Variants in SLC12A1 observed in about 807,000 individuals in gnomAD.
The protein encoded by SLC12A1 is solute carrier family 12 member 1, also known as Na-K-2Cl cotransporter.
Under a neutral mutation model 130.4 loss-of-function variants are expected in SLC12A1, and 89 were observed. That is an observed-to-expected ratio of 0.68 (90% CI 0.58 to 0.81). The LOEUF (loss-of-function observed/expected upper bound fraction) is 0.81. SLC12A1 is among the 40% of genes least tolerant of loss of function. The probability of loss-of-function intolerance (pLI) is 0.00; values close to 1 mark genes in which losing one functional copy is unlikely to be tolerated. For synonymous variants in SLC12A1, 499 were observed against 460.0 expected (o/e 1.08, Z -1.09); for missense variants, 1,310 against 1,336.4 (o/e 0.98, Z 0.31).
intron 2 of SLC12A1, among the ~76,000 whole-genome samples, chr15:48,218,772 C>A (rs147682667): frequency 4.1e-4 from 63 of 152,272 alleles, no homozygotes; most frequent in African/African-American, 1.5e-3. Flanking sequence ...GTTTCAAAAT[C>A]TTTCCTAGAA....
intron 7 of SLC12A1, among the ~76,000 whole-genome samples, chr15:48,231,638 T>C (rs1425938439): frequency 6.6e-6 from 1 of 152,240 alleles, no homozygotes; most frequent in Non-Finnish European, 1.5e-5. Context: ...TGTCAGTTTG[T>C]TGGTGGTATT....
chr15:48,288,874 G>C (rs1003585797), intron 23 of SLC12A1, among the ~76,000 whole-genome samples: 3 of 152,146 alleles, frequency 2.0e-5, no homozygotes, highest in African/African-American at 7.2e-5. Flanking sequence ...GGGTCCAGTT[G>C]CTTTTTCTGT....
intron 17 of SLC12A1, among the ~76,000 whole-genome samples, chr15:48,264,945 T>G (rs1422536459): frequency 1.3e-5 from 2 of 152,182 alleles, no homozygotes; most frequent in Non-Finnish European, 2.9e-5. Flanking sequence ...TTTTTAAAGC[T>G]TCTTTGTTTG....
chr15:48,281,106 C>T (rs1185402413), intron 20 of SLC12A1, among the ~76,000 whole-genome samples: 2 of 152,152 alleles, frequency 1.3e-5, no homozygotes. Context: ...ATAGACAGAC[C>T]TGGGTTTGGA....
In SLC12A1 at chr15:48,213,818, C is replaced by T. The variant is rs942053631; in HGVS notation, c.420+5679C>T. On this transcript the variant is annotated intron_variant, in intron 2 of 26. Transcript: ENST00000380993. ...GACTACAGGTGTGAGCCACCACACC[C>T]AGCCTCCTCTAGAATTTTATAAGTC... Among the ~76,000 whole-genome samples the T allele has an allele frequency of 2.0e-5, 3 of 152,104 alleles. No individual in the cohort carries two copies. In the East Asian group the frequency reaches 5.8e-4, roughly 29 times the overall value.
At chr15:48,208,412 A>G (rs1000482499) in intron 2 of SLC12A1, among the ~76,000 whole-genome samples, 1 of 152,058 alleles carries the variant, frequency 6.6e-6, no homozygotes, top group African/African-American at 2.4e-5. Context: ...TCCTGGGCTC[A>G]AACAATCCTC....
At chr15:48,245,575 C>T (rs1450350308) in intron 11 of SLC12A1, among the ~76,000 whole-genome samples, 1 of 152,178 alleles carries the variant, frequency 6.6e-6, no homozygotes, top group African/African-American at 2.4e-5. Context: ...CTAGCTGCAT[C>T]CACGTTGCTG....
At position 48,288,517 on chromosome 15, in the gene SLC12A1, G is replaced by C. The variant is rs201930377; in HGVS notation, c.2873+1G>C. ...ACCGCATTGAAGAAGAAAAAATTGT[G>C]TAAGTAGTTTGCCACTCACATGTTA... On this transcript the variant is annotated splice_donor_variant, in intron 23 of 26. Coordinates refer to ENST00000380993, the MANE Select transcript of SLC12A1 (RefSeq NM_000338.3). LOFTEE classifies it high-confidence loss of function. The C allele has an allele frequency of 7.3e-7, 1 of 1,369,740 alleles. No homozygotes were observed. 84.8% of individuals were successfully genotyped at this position (1,369,740 alleles called of 1,614,324 possible). A position where few individuals can be genotyped will look rare whatever the true frequency, so the allele number is the denominator to read the frequency against.
chr15:48,282,399 G>A (rs932426184), intron 20 of SLC12A1, among the ~76,000 whole-genome samples: 1 of 152,096 alleles, frequency 6.6e-6, no homozygotes, highest in African/African-American at 2.4e-5. Flanking sequence ...CATTACAAAA[G>A]AGGATTTATC....
chr15:48,240,069 ATCCAT>A (rs2041493644), intron 9 of SLC12A1, among the ~76,000 whole-genome samples: 2 of 86,524 alleles, frequency 2.3e-5, no homozygotes, highest in African/African-American at 1.3e-4. Context: ...ATATATATAT[ATCCAT>A]ATATATATAT....
chr15:48,296,543 C>T (rs1597462110), intron 24 of SLC12A1, among the ~76,000 whole-genome samples: 1 of 152,054 alleles, frequency 6.6e-6, no homozygotes, highest in Non-Finnish European at 1.5e-5. Context: ...TTTAAAGATG[C>T]TAGAGTAGTC....
At chr15:48,215,786 C>T (rs950623492) in intron 2 of SLC12A1, among the ~76,000 whole-genome samples, 21 of 152,308 alleles carry the variant, frequency 1.4e-4, no homozygotes, top group African/African-American at 4.6e-4. Context: ...CAGAGAAAAA[C>T]AATTTTGCCT....
chr15:48,277,461 G>C (rs2041965653), intron 20 of SLC12A1, among the ~76,000 whole-genome samples: 1 of 140,940 alleles, frequency 7.1e-6, no homozygotes, highest in Non-Finnish European at 1.6e-5. Flanking sequence ...TTTCTATTAA[G>C]CTGGAGCAAT....
chr15:48,225,252 C>T (rs1419937523), intron 4 of SLC12A1: 1 of 152,152 alleles, frequency 6.6e-6, no homozygotes, highest in African/African-American at 2.4e-5. Context: ...TTCATTCTTT[C>T]CACTTTACCC....
At chr15:48,238,013 G>A (rs1567315724) in intron 9 of SLC12A1, among the ~76,000 whole-genome samples, 1 of 152,078 alleles carries the variant, frequency 6.6e-6, no homozygotes, top group African/African-American at 2.4e-5. Context: ...TTAGAATTAG[G>A]AGAAGAAATA....
chr15:48,211,051 TA>T (rs2041046710), intron 2 of SLC12A1, among the ~76,000 whole-genome samples: 1 of 152,180 alleles, frequency 6.6e-6, no homozygotes, highest in African/African-American at 2.4e-5. Context: ...ATTAAAATAT[TA>T]AAAATTAGGC....
intron 13 of SLC12A1, 85 bp downstream of exon 13, chr15:48,247,545 C>T: frequency 9.1e-7 from 1 of 1,101,462 alleles, no homozygotes; most frequent in Admixed American, 2.7e-5. Context: ...TGAAAAATTA[C>T]TCGTTTTATG....
intron 9 of SLC12A1, among the ~76,000 whole-genome samples, chr15:48,238,706 A>G (rs1397931343): frequency 6.6e-6 from 1 of 152,216 alleles, no homozygotes; most frequent in Non-Finnish European, 1.5e-5. Context: ...GGATTCGGTC[A>G]GTTTAGAAAA....
chr15:48,285,305 A>T (rs2042046245), intron 21 of SLC12A1, 56 bp downstream of exon 21: 2 of 1,558,982 alleles, frequency 1.3e-6, no homozygotes, highest in Admixed American at 3.4e-5. Flanking sequence ...CTATTTGAGC[A>T]TCTATGAAGA....
Sources: allele counts gnomAD v4.1 joint callset (sites outside exome capture counted in the v4.1 genomes callset), GRCh38; gene constraint gnomAD v4.1.1; transcripts MANE v1.5; gene names NCBI Gene and HGNC (gene_info 2026-07-23, HGNC 2026-07-21).